MMP16: variants seen among roughly 807,000 people sequenced by gnomAD.
MMP16 encodes the protein matrix metalloproteinase-16.
A neutral mutation model predicts 67.8 loss-of-function variants in MMP16; 12 were observed. That is an observed-to-expected ratio of 0.18 (90% confidence interval 0.11 to 0.29). MMP16 has a LOEUF of 0.29. Ranked by LOEUF, MMP16 falls within the 10% of genes least tolerant of loss-of-function variation. The pLI, the probability that MMP16 is intolerant of heterozygous loss-of-function variation, is 1.00. For synonymous variants in MMP16, 249 were observed against 255.9 expected (o/e 0.97, Z 0.26); for missense variants, 475 against 765.7 (o/e 0.62, Z 4.48).
At chr8:88,125,311 G>C (rs1282503850) in intron 4 of MMP16, among the ~76,000 whole-genome samples, 1 of 151,486 alleles carries the variant, frequency 6.6e-6, no homozygotes, top group Non-Finnish European at 1.5e-5. Flanking sequence ...AGCAATTAAA[G>C]AGGTTTGCTG....
At chr8:88,155,781 G>A (rs943839217) in intron 4 of MMP16, among the ~76,000 whole-genome samples, 1 of 152,038 alleles carries the variant, frequency 6.6e-6, no homozygotes, top group East Asian at 1.9e-4. Flanking sequence ...AGCTTTTAAT[G>A]GATGTTCTGA....
intron 1 of MMP16, among the ~76,000 whole-genome samples, chr8:88,237,346 T>A (rs915033305): frequency 6.6e-6 from 1 of 152,196 alleles, no homozygotes; most frequent in South Asian, 2.1e-4. Context: ...TGCCTGAATT[T>A]AGCTTTTCAA....
At chr8:88,132,388 A>G (rs539031085) in intron 4 of MMP16, among the ~76,000 whole-genome samples, 1 of 152,022 alleles carries the variant, frequency 6.6e-6, no homozygotes, top group East Asian at 1.9e-4. Context: ...TAAGGGTAGA[A>G]ATATGAGAGA....
At chr8:88,160,145 CAG>C (rs1245120094) in intron 4 of MMP16, among the ~76,000 whole-genome samples, 1 of 151,838 alleles carries the variant, frequency 6.6e-6, no homozygotes, top group African/African-American at 2.4e-5. Flanking sequence ...CAACAGTTCC[CAG>C]AGTGTCATGT....
intron 1 of MMP16, 58 bp from the exon 2 acceptor site, chr8:88,197,364 T>A: frequency 7.1e-7 from 1 of 1,401,300 alleles, no homozygotes; most frequent in Non-Finnish European, 9.5e-7. Context: ...AATAATTTTC[T>A]GGTAATTAAT....
At chr8:88,301,986 CCATT>C (rs1811111653) in intron 1 of MMP16, among the ~76,000 whole-genome samples, 1 of 152,140 alleles carries the variant, frequency 6.6e-6, no homozygotes, top group South Asian at 2.1e-4. Context: ...TGAAATCTGA[CCATT>C]ATTATGATGC....
chr8:88,214,673 C>T (rs1563564266), intron 1 of MMP16, among the ~76,000 whole-genome samples: 1 of 152,116 alleles, frequency 6.6e-6, no homozygotes, highest in Non-Finnish European at 1.5e-5. Context: ...GAGCAATTTC[C>T]AAGTATAAAT....
chr8:88,261,925 T>G (rs148042824), intron 1 of MMP16, among the ~76,000 whole-genome samples: 5 of 152,214 alleles, frequency 3.3e-5, no homozygotes, highest in Admixed American at 2.6e-4. Flanking sequence ...CATGAGGTTA[T>G]AAATAACTAA....
intron 1 of MMP16, among the ~76,000 whole-genome samples, chr8:88,207,695 TAA>T (rs34890040): frequency 6.8e-6 from 1 of 146,024 alleles, no homozygotes; most frequent in Non-Finnish European, 1.5e-5. Flanking sequence ...GGACCATTGT[TAA>T]AAAAAAAAAA....
intron 4 of MMP16, among the ~76,000 whole-genome samples, chr8:88,128,808 T>C (rs1264365738): frequency 1.3e-5 from 2 of 151,798 alleles, no homozygotes; most frequent in Non-Finnish European, 2.9e-5. Context: ...ATTTATAGGC[T>C]GTGGAAGGAG....
intron 6 of MMP16, among the ~76,000 whole-genome samples, chr8:88,075,654 T>C (rs1808635880): frequency 6.6e-6 from 1 of 152,138 alleles, no homozygotes; most frequent in Admixed American, 6.6e-5. Flanking sequence ...ATTTAAAAAC[T>C]AGGTGTATTT....
chr8:88,247,234 T>C (rs1810127523), intron 1 of MMP16, among the ~76,000 whole-genome samples: 1 of 152,184 alleles, frequency 6.6e-6, no homozygotes, highest in African/African-American at 2.4e-5. Context: ...AATTTTGTAG[T>C]AACTTTGTAA....
intron 2 of MMP16, among the ~76,000 whole-genome samples, chr8:88,193,114 T>C (rs930107922): frequency 6.6e-6 from 1 of 152,196 alleles, no homozygotes; most frequent in African/African-American, 2.4e-5. Context: ...CCCTTGTTTA[T>C]TGCAGGACTA....
Position 88,036,047 on chromosome 8 carries a change from T to C in MMP16, c.*5414A>G, listed in dbSNP as rs1808049663. 6.6e-6 allele frequency: 1 copy of C among 151,974 alleles called. No homozygotes were observed. Among genetic ancestry groups the C allele is most frequent in the African/African-American group, 2.4e-5 (1 of 41,452 alleles). 9.4% of individuals were successfully genotyped at this position (151,974 alleles called of 1,614,324 possible). A position where few individuals can be genotyped will look rare whatever the true frequency, so the allele number is the denominator to read the frequency against. On this transcript the variant is annotated 3_prime_UTR_variant, in exon 10 of 10. Coordinates refer to ENST00000286614, the MANE Select transcript of MMP16 (RefSeq NM_005941.5). The stretch of plus-strand genomic sequence containing the variant: ...CTTCTTTGCTACTACGCCAAGTGTC[T>C]TAGATTACATGAGTATTGAGGTAAA...
chr8:88,249,850 T>C (rs1288113357), intron 1 of MMP16, among the ~76,000 whole-genome samples: 3 of 152,112 alleles, frequency 2.0e-5, no homozygotes, highest in African/African-American at 7.2e-5. Flanking sequence ...GTGTTTCTAA[T>C]ATCCCAAAGC....
chr8:88,183,712 C>CTT (rs71277981), intron 3 of MMP16, among the ~76,000 whole-genome samples: 14,798 of 92,088 alleles, frequency 0.16, 2,350 homozygotes, highest in Middle Eastern at 0.26. Context: ...AAATGTCCTT[C>CTT]TTTTTTTTTT....
At chr8:88,312,914 GC>G (rs1212949239) in intron 1 of MMP16, among the ~76,000 whole-genome samples, 11 of 152,112 alleles carry the variant, frequency 7.2e-5, no homozygotes, top group Non-Finnish European at 1.5e-4. Context: ...GTTGCAGTGA[GC>G]CTGAGCCAAG....
chr8:88,285,607 C>A (rs977009708), intron 1 of MMP16, among the ~76,000 whole-genome samples: 1 of 152,166 alleles, frequency 6.6e-6, no homozygotes, highest in Non-Finnish European at 1.5e-5. Flanking sequence ...AGATACCATG[C>A]CCCTTCTTGC....
chr8:88,271,460 A>T (rs1915019), intron 1 of MMP16, among the ~76,000 whole-genome samples: 1 of 152,028 alleles, frequency 6.6e-6, no homozygotes, highest in East Asian at 1.9e-4. Context: ...CATATCAGTC[A>T]TTGCCACTCA....
Sources: gnomAD v4.1 joint callset for allele counts (sites outside exome capture counted in the v4.1 genomes callset) on GRCh38, gnomAD v4.1.1 for gene constraint, MANE v1.5 for transcripts, NCBI Gene and HGNC (gene_info 2026-07-23, HGNC 2026-07-21) for gene names.